The following RLF variants were observed in gnomAD, a reference collection of about 807,000 sequenced individuals.
RLF encodes the protein zinc finger protein Rlf.
In RLF, 7 loss-of-function variants were observed where a neutral mutation model predicts 162.9. That is an observed-to-expected ratio of 0.04 (90% CI 0.02 to 0.08). RLF has a LOEUF of 0.08. RLF is among the 10% of genes least tolerant of loss of function. The probability of loss-of-function intolerance (pLI) is 1.00; values close to 1 mark genes in which losing one functional copy is unlikely to be tolerated. For missense variants in RLF, 1,664 were observed against 2,244.7 expected (o/e 0.74, Z 5.23); for synonymous variants, 782 against 791.5 (o/e 0.99, Z 0.20).
Position 40,237,153 on chromosome 1 carries a change from A to G in RLF, c.2451A>G (p.Glu817=), listed in dbSNP as rs1321177440. Reference sequence around the variant, plus strand: ...AAAAGTTCTATTACTCCAAAATTGAATACCAGAATCACCTCTCAATGCATA... The same window carrying G: ...AAAAGTTCTATTACTCCAAAATTGAGTACCAGAATCACCTCTCAATGCATA... ...GCKKFYYSKI[E]YQNHLSMHNV... is the part of the protein sequence containing the mutation. The change falls in exon 8 of 8, where the codon GAA becomes GAG. Residue 817 remains glutamate, a synonymous_variant. Coordinates refer to ENST00000372771, the MANE Select transcript of RLF (RefSeq NM_012421.4). This position sits in a 1 kb window ranked among gnomAD's most constrained non-coding sequence, Gnocchi z 4.4. 7 of 1,613,866 alleles carry G rather than the reference A, an allele frequency of 4.3e-6. No individual in the cohort carries two copies. The highest frequency in any genetic ancestry group is 5.9e-6 in the Non-Finnish European group (7 of 1,179,794).
chr1:40,175,357 A>T (rs1001468153), intron 1 of RLF, among the ~76,000 whole-genome samples: 14 of 151,586 alleles, frequency 9.2e-5, no homozygotes, highest in Non-Finnish European at 1.5e-5. Context: ...TTTCACTTAA[A>T]ATTCTCATTC....
intron 6 of RLF, among the ~76,000 whole-genome samples, chr1:40,223,731 T>C (rs1038459279): frequency 1.3e-5 from 2 of 152,250 alleles, no homozygotes; most frequent in Admixed American, 6.5e-5. Flanking sequence ...CCAGTCCTCA[T>C]AATAATCATT....
intron 5 of RLF, among the ~76,000 whole-genome samples, chr1:40,214,638 G>A (rs1642901057): frequency 6.6e-6 from 1 of 152,030 alleles, no homozygotes; most frequent in South Asian, 2.1e-4. Flanking sequence ...AATTAAAGGA[G>A]GCCAGGTGAG....
At chr1:40,195,217 G>A (rs1187095167) in intron 3 of RLF, among the ~76,000 whole-genome samples, 3 of 151,528 alleles carry the variant, frequency 2.0e-5, no homozygotes, top group Non-Finnish European at 4.4e-5. Flanking sequence ...TTGGGAGGCC[G>A]AGGCGGGTGG....
At position 40,228,412 on chromosome 1, in the gene RLF, C is replaced by T. The variant is rs942813832; in HGVS notation, c.948-3105C>T. Among the ~76,000 whole-genome samples, 17 of 151,574 alleles carry T rather than the reference C, an allele frequency of 1.1e-4. No homozygotes were observed. The East Asian group carries it at 1.2e-3, about 11-fold the overall frequency. On this transcript the variant is annotated intron_variant, in intron 6 of 7. Transcript: ENST00000372771. ...CAGCCTGGCCAACATAGCGAAACCC[C>T]GTCTCTAAAAATACGAAAATTAGCT...
chr1:40,215,106 C>G (rs1413546621), intron 5 of RLF, among the ~76,000 whole-genome samples: 2 of 151,986 alleles, frequency 1.3e-5, no homozygotes, highest in African/African-American at 4.8e-5. Context: ...AAAGAATCAG[C>G]AAACTTGTCC....
At chr1:40,181,735 A>G (rs6600320) in intron 1 of RLF, among the ~76,000 whole-genome samples, 28,505 of 152,162 alleles carry the variant, frequency 0.19, 2,818 homozygotes, top group Non-Finnish European at 0.21. Context: ...ATAATATCTA[A>G]TAATTGTTAC....
At chr1:40,169,134 C>T (rs1642205261) in intron 1 of RLF, among the ~76,000 whole-genome samples, 1 of 152,072 alleles carries the variant, frequency 6.6e-6, no homozygotes, top group African/African-American at 2.4e-5. Context: ...GTGTGCCAAG[C>T]CCTCAGGTGG....
At chr1:40,197,773 T>C (rs1642657019) in intron 4 of RLF, among the ~76,000 whole-genome samples, 1 of 152,218 alleles carries the variant, frequency 6.6e-6, no homozygotes, top group East Asian at 1.9e-4. Flanking sequence ...GGGTAACATG[T>C]AGCCTGCCTC....
intron 1 of RLF, among the ~76,000 whole-genome samples, chr1:40,167,094 A>G (rs1161541791): frequency 1.3e-5 from 2 of 152,224 alleles, no homozygotes; most frequent in African/African-American, 4.8e-5. Context: ...GCCTACATTC[A>G]TATAATAATG....
At chr1:40,170,082 G>C (rs1194101858) in intron 1 of RLF, among the ~76,000 whole-genome samples, 1 of 152,102 alleles carries the variant, frequency 6.6e-6, no homozygotes, top group Admixed American at 6.5e-5. Flanking sequence ...ACCAGGTCTA[G>C]AACATTTTGC....
intron 5 of RLF, among the ~76,000 whole-genome samples, chr1:40,208,363 TAAAG>T (rs912979573): frequency 2.0e-5 from 3 of 152,226 alleles, no homozygotes; most frequent in Non-Finnish European, 4.4e-5. Flanking sequence ...TTTCTGGTGA[TAAAG>T]AAATCAAAGG....
chr1:40,235,997 T>G lies in RLF; in HGVS notation c.1295T>G (p.Leu432Arg). The G allele has an allele frequency of 6.2e-7, 1 of 1,613,284 alleles. No homozygotes were observed. The highest frequency in any genetic ancestry group is 8.5e-7 in the Non-Finnish European group (1 of 1,179,740). Residue 432 changes from leucine (L) to arginine (R), a missense_variant, in exon 8 of 8, where the codon CTA becomes CGA. Transcript: ENST00000372771. ...GATGGATTTAATATGTTAGAAGAAC[T>G]ATATTTGCAACCAGATCAAAAATTT... is the stretch of plus-strand genomic sequence containing the variant. ...SLDGFNMLEE[L>R]YLQPDQKFDE...
intron 5 of RLF, among the ~76,000 whole-genome samples, chr1:40,214,815 C>G (rs544035867): frequency 6.3e-5 from 9 of 142,754 alleles, no homozygotes; most frequent in Middle Eastern, 7.7e-3. Context: ...CCCAGCTATT[C>G]ATGAGACTGA....
chr1:40,174,094 C>T (rs1050264509), intron 1 of RLF, among the ~76,000 whole-genome samples: 17 of 152,242 alleles, frequency 1.1e-4, no homozygotes, highest in African/African-American at 3.4e-4. Context: ...GTGACCTGGC[C>T]GGGCACGATG....
At chr1:40,228,362 T>C (rs1033809422) in intron 6 of RLF, among the ~76,000 whole-genome samples, 2 of 150,720 alleles carry the variant, frequency 1.3e-5, no homozygotes, top group African/African-American at 4.9e-5. Context: ...GGTGGGCGGA[T>C]CACCTAAGGT....
In RLF at chr1:40,161,610, T is replaced by A; in HGVS notation, c.211T>A (p.Leu71Met). ...GCAAGAGGTGTCGGAGGTCTCATCT[T>A]TGAACTACTGCCGGAGCTTCTGCCA... The part of the protein sequence containing the change: ...REQEVSEVSS[L>M]NYCRSFCQTL... Residue 71 changes from leucine to methionine, a missense_variant, in exon 1 of 8, where the codon TTG becomes ATG. Around this residue, in one of 15 missense-constraint regions of RLF, gnomAD observed 134 missense variants for 124.3 expected, o/e 1.08. Coordinates refer to ENST00000372771, the MANE Select transcript of RLF (RefSeq NM_012421.4). This position sits in a 1 kb window ranked among gnomAD's most constrained non-coding sequence, Gnocchi z 4.4. 2.5e-6 allele frequency: 4 copies of A among 1,612,836 alleles called. No individual in the cohort carries two copies. The highest frequency in any genetic ancestry group is 2.5e-6 in the Non-Finnish European group (3 of 1,179,472).
At chr1:40,201,601 G>A (rs1375284903) in intron 4 of RLF, among the ~76,000 whole-genome samples, 2 of 141,126 alleles carry the variant, frequency 1.4e-5, no homozygotes. Context: ...ACTCCAGCCT[G>A]GGTGACAGAG....
chr1:40,228,908 C>T (rs1208531810), intron 6 of RLF, among the ~76,000 whole-genome samples: 1 of 152,082 alleles, frequency 6.6e-6, no homozygotes, highest in Admixed American at 6.6e-5. Context: ...ACCCTGCCCG[C>T]CCCCCGCTGC....
Sources: gnomAD v4.1 joint callset for allele counts (sites outside exome capture counted in the v4.1 genomes callset) on GRCh38, gnomAD v4.1.1 for gene constraint, gnomAD v4.1.1 regional missense constraint, Gnocchi (gnomAD v3.1) non-coding constraint, MANE v1.5 for transcripts, NCBI Gene and HGNC (gene_info 2026-07-23, HGNC 2026-07-21) for gene names.